GAB4: variants seen among roughly 807,000 people sequenced by gnomAD.
GAB4 encodes the protein GRB2 associated binding protein family member 4.
A neutral mutation model predicts 51.3 loss-of-function variants in GAB4; 26 were observed. The ratio of observed to expected loss-of-function variants is 0.51; its 90% CI spans 0.37 to 0.70. The LOEUF (loss-of-function observed/expected upper bound fraction) is 0.70. Ranked by LOEUF, GAB4 falls within the 30% of genes least tolerant of loss-of-function variation. The pLI is 0.00. For missense variants in GAB4, 759 were observed against 734.6 expected, an observed-to-expected ratio of 1.03 and a Z score of -0.38; for synonymous variants, 329 against 291.2, an observed-to-expected ratio of 1.13 and a Z score of -1.32.
At chr22:16,979,642 T>G (rs1430113857) in intron 3 of GAB4, among the ~76,000 whole-genome samples, 2 of 152,170 alleles carry the variant, frequency 1.3e-5, no homozygotes, top group Admixed American at 6.5e-5. Flanking sequence ...TACCATTGAC[T>G]TCACAGAATT....
intron 1 of GAB4, among the ~76,000 whole-genome samples, chr22:16,998,077 C>G (rs1466255616): frequency 6.6e-6 from 1 of 152,116 alleles, no homozygotes; most frequent in Non-Finnish European, 1.5e-5. Flanking sequence ...AGTCAGGTAG[C>G]GTGATGCCTC....
At chr22:16,970,320 G>A in intron 3 of GAB4, 127 bp from the exon 4 acceptor site, 2 of 1,033,550 alleles carry the variant, frequency 1.9e-6, no homozygotes, top group African/African-American at 1.6e-5. Flanking sequence ...AAGAGGAATT[G>A]GGCAGACCTG....
chr22:16,972,173 C>T (rs553025680), intron 3 of GAB4, among the ~76,000 whole-genome samples: 3 of 152,366 alleles, frequency 2.0e-5, no homozygotes, highest in East Asian at 3.9e-4. Context: ...ACAGACGCCA[C>T]CTGCCCTGCA....
intron 2 of GAB4, among the ~76,000 whole-genome samples, chr22:16,988,421 G>A (rs1264424933): frequency 1.3e-5 from 2 of 152,188 alleles, no homozygotes; most frequent in African/African-American, 2.4e-5. Context: ...ACTCCCAGAC[G>A]GCGTGGTTCC....
chr22:16,983,121 A>G (rs2060840256), intron 3 of GAB4, among the ~76,000 whole-genome samples: 2 of 152,200 alleles, frequency 1.3e-5, no homozygotes, highest in Non-Finnish European at 2.9e-5. Context: ...ATATGCTTCA[A>G]AGAAAATGCT....
At chr22:16,975,874 G>A (rs1438078361) in intron 3 of GAB4, among the ~76,000 whole-genome samples, 1 of 152,170 alleles carries the variant, frequency 6.6e-6, no homozygotes, top group Non-Finnish European at 1.5e-5. Flanking sequence ...GGTGATATCT[G>A]CCGGTGATAC....
chr22:16,986,337 G>A lies in GAB4; in HGVS notation c.686+1623C>T, dbSNP rs140038961. On this transcript the variant is annotated intron_variant, in intron 3 of 9. Transcript: ENST00000400588. Reference sequence around the variant, plus strand: ...GTGAAAGTATGAAGGGCACCAACACGAAGCACTGTGTCTTTTACAAGAACA... The same window carrying A: ...GTGAAAGTATGAAGGGCACCAACACAAAGCACTGTGTCTTTTACAAGAACA... Among the ~76,000 whole-genome samples, 68 of 152,318 alleles carry A rather than the reference G, an allele frequency of 4.5e-4. 1 individual carries two copies. In the East Asian group the frequency reaches 0.01, roughly 23 times the overall value.
intron 3 of GAB4, 31 bp from the exon 4 acceptor site, chr22:16,970,224 G>A (rs374296671): frequency 3.1e-6 from 5 of 1,612,122 alleles, no homozygotes; most frequent in Middle Eastern, 3.3e-4. Flanking sequence ...AAGGGGCAGG[G>A]GTGAGAGGAG....
chr22:16,966,530 T>C (rs868353113), intron 5 of GAB4, 166 bp from the exon 6 acceptor site: 5 of 700,746 alleles, frequency 7.1e-6, no homozygotes, highest in Admixed American at 5.9e-5. Flanking sequence ...GCGGCCCAGA[T>C]AGAAGTGCCC....
At chr22:16,990,804 T>C (rs1231092198) in intron 2 of GAB4, among the ~76,000 whole-genome samples, 9 of 151,874 alleles carry the variant, frequency 5.9e-5, no homozygotes, top group Admixed American at 5.9e-4. Context: ...GCCTGGAGAG[T>C]TCTTAAAACC....
At position 16,966,259 on chromosome 22, in the gene GAB4, C is replaced by T. The variant is rs776467243; in HGVS notation, c.1129G>A (p.Asp377Asn). Residue 377 changes from aspartate (D) to asparagine (N), a missense_variant, in exon 6 of 10, where the codon GAT becomes AAT. By Grantham distance (23) the Asp-to-Asn change is conservative (BLOSUM62 1). This residue lies in a region of GAB4 where 588 missense variants were observed against 510.2 expected (regional missense o/e 1.15). Transcript: ENST00000400588. ...GGGATGCAGACACCCTGGGAATCAT[C>T]GCCTGCTTGCTTCACAGCCGGCAGG... is the stretch of plus-strand genomic sequence containing the variant. ...PTLPAVKQAG[D>N]DSQGVCIPVG... 22 of 1,613,824 alleles carry T rather than the reference C, an allele frequency of 1.4e-5. No homozygotes were observed. The South Asian group carries it at 2.2e-4, about 16-fold the overall frequency.
At chr22:16,996,574 C>T (rs2123714650) in intron 1 of GAB4, among the ~76,000 whole-genome samples, 2 of 152,158 alleles carry the variant, frequency 1.3e-5, no homozygotes, top group South Asian at 4.2e-4. Flanking sequence ...GTCGGGCTAC[C>T]CACAAAGAGA....
chr22:17,004,644 C>T (rs2061025637), intron 1 of GAB4, among the ~76,000 whole-genome samples: 1 of 151,778 alleles, frequency 6.6e-6, no homozygotes, highest in Admixed American at 6.6e-5. Context: ...GTGCTAAAAA[C>T]TCTCAATAAA....
At position 16,963,906 on chromosome 22, in the gene GAB4, C is replaced by A. The variant is rs376612733; in HGVS notation, c.1477-77G>T. Reference sequence around the variant, plus strand: ...GCACCCAGTGGAACACACCTGTGGGCGTAGCTACGAGCCCACTGGGTCCTA... The same window carrying A: ...GCACCCAGTGGAACACACCTGTGGGAGTAGCTACGAGCCCACTGGGTCCTA... On this transcript the variant is annotated intron_variant, in intron 8 of 9. Coordinates refer to ENST00000400588, the MANE Select transcript of GAB4 (RefSeq NM_001037814.1). 1.2e-3 allele frequency: 1,396 copies of A among 1,136,192 alleles called. 25 individuals are homozygous for A. In the South Asian group the frequency reaches 0.017, roughly 14 times the overall value. The allele number at this position is 1,136,192 out of a possible 1,614,324, so 70.4% of individuals were successfully genotyped here.
At chr22:16,986,929 G>A (rs1288164394) in intron 3 of GAB4, among the ~76,000 whole-genome samples, 1 of 152,226 alleles carries the variant, frequency 6.6e-6, no homozygotes, top group Non-Finnish European at 1.5e-5. Context: ...GTGCAGCAAA[G>A]TGTGGGGCAA....
chr22:16,975,652 G>A (rs1385504474), intron 3 of GAB4, among the ~76,000 whole-genome samples: 7 of 152,166 alleles, frequency 4.6e-5, no homozygotes, highest in African/African-American at 1.2e-4. Context: ...CACAACGCCC[G>A]AGCCCTGCTA....
chr22:16,981,024 G>A (rs11704838), intron 3 of GAB4, among the ~76,000 whole-genome samples: 3,365 of 152,174 alleles, frequency 0.022, 60 homozygotes, highest in Middle Eastern at 0.068. Flanking sequence ...GGGAGATAGG[G>A]GAGGGATAGC....
intron 1 of GAB4, among the ~76,000 whole-genome samples, chr22:16,999,738 G>A (rs2060980979): frequency 6.6e-6 from 1 of 152,192 alleles, no homozygotes; most frequent in African/African-American, 2.4e-5. Flanking sequence ...ATATTAGGGT[G>A]TTGATTTTAG....
At chr22:16,978,137 C>T (rs570145349) in intron 3 of GAB4, among the ~76,000 whole-genome samples, 1 of 152,042 alleles carries the variant, frequency 6.6e-6, no homozygotes, top group East Asian at 1.9e-4. Context: ...GAAGCAAGAG[C>T]AAACAAATTC....
Sources: allele counts gnomAD v4.1 joint callset (sites outside exome capture counted in the v4.1 genomes callset), GRCh38; gene constraint gnomAD v4.1.1; regional missense constraint gnomAD v4.1.1; transcripts MANE v1.5; gene names NCBI Gene and HGNC (gene_info 2026-07-23, HGNC 2026-07-21).